Variants in RBM18 observed in about 807,000 individuals in gnomAD.
The protein encoded by RBM18 is RNA binding motif protein 18.
Under a neutral mutation model 26.4 loss-of-function variants are expected in RBM18, and 18 were observed. The ratio of observed to expected loss-of-function variants is 0.68; its 90% confidence interval spans 0.47 to 1.01. The LOEUF is 1.01. Ranked by LOEUF, RBM18 falls within the 50% of genes least tolerant of loss-of-function variation. RBM18 has a pLI of 0.00. For missense variants in RBM18, 180 were observed against 219.2 expected, an observed-to-expected ratio of 0.82 and a Z score of 1.13; for synonymous variants, 74 against 81.1, an observed-to-expected ratio of 0.91 and a Z score of 0.47.
At chr9:122,261,623 T>G in intron 1 of RBM18, 115 bp from the exon 2 acceptor site, 1 of 681,968 alleles carries the variant, frequency 1.5e-6, no homozygotes, top group Non-Finnish European at 2.5e-6. Flanking sequence ...GGGCAGTCCT[T>G]CAAAGGCCTC....
At position 122,240,344 on chromosome 9, in the gene RBM18, A is replaced by G. The variant is rs978074933; in HGVS notation, c.*1540T>C. On this transcript the variant is annotated 3_prime_UTR_variant, in exon 6 of 6. Transcript: ENST00000417201. The stretch of plus-strand genomic sequence containing the variant: ...AGACAGACACAGCTAATACATACAG[A>G]AAGTATTTGATGTCTAGAGATATTT... The G allele has an allele frequency of 9.9e-5, 15 of 152,214 alleles. No homozygotes were observed. The highest frequency in any genetic ancestry group is 3.4e-4 in the African/African-American group (14 of 41,452). 9.4% of individuals were successfully genotyped at this position (152,214 alleles called of 1,614,324 possible).
In RBM18 at chr9:122,245,312, A is replaced by C. The variant is rs1040128695; in HGVS notation, c.357T>G (p.Ile119Met). The C allele has an allele frequency of 8.7e-6, 14 of 1,610,352 alleles. No homozygotes were observed. Among genetic ancestry groups the C allele is most frequent in the Non-Finnish European group, 1.2e-5 (14 of 1,176,744 alleles). The stretch of plus-strand genomic sequence containing the variant: ...AGGATGGCTCGAGACTGATTGGAAG[A>C]ATCTTATCATTCTTGTTATGATCAT... ...KRYDHNKNDKILPISLEPSSS... is the reference protein window; with the variant it reads ...KRYDHNKNDKMLPISLEPSSS... The change falls in exon 5 of 6, where the codon ATT becomes ATG. Residue 119 changes from isoleucine to methionine, a missense_variant. Coordinates refer to ENST00000417201, the MANE Select transcript of RBM18 (RefSeq NM_033117.4).
rs969925653 is a variant in RBM18, at chr9:122,238,831, G to A, written c.*3053C>T. 11 of 152,346 alleles carry A rather than the reference G, an allele frequency of 7.2e-5. No homozygotes were observed. Among genetic ancestry groups the A allele is most frequent in the Admixed American group, 7.2e-4 (11 of 15,304 alleles). 9.4% of individuals were successfully genotyped at this position (152,346 alleles called of 1,614,324 possible). On this transcript the variant is annotated 3_prime_UTR_variant, in exon 6 of 6. Transcript: ENST00000417201. ...GCAGGGAGATAATTAGGAAGGTATTGTAATAGTCCAGGGAAGAGATGATGG... is the reference window on the plus strand; with the variant it reads ...GCAGGGAGATAATTAGGAAGGTATTATAATAGTCCAGGGAAGAGATGATGG...
chr9:122,257,450 A>G (rs781536661), intron 2 of RBM18, among the ~76,000 whole-genome samples: 8 of 152,170 alleles, frequency 5.3e-5, no homozygotes, highest in Non-Finnish European at 1.0e-4. Context: ...CGCCCAGCCA[A>G]TGGTCAATAT....
Position 122,238,344 on chromosome 9 carries a change from T to C in RBM18, c.*3540A>G, listed in dbSNP as rs1433730317. 1 of 152,182 alleles carries C rather than the reference T, an allele frequency of 6.6e-6. No homozygotes were observed. The highest frequency in any genetic ancestry group is 1.5e-5 in the Non-Finnish European group (1 of 68,032). The allele number at this position is 152,182 out of a possible 1,614,324, so 9.4% of individuals were successfully genotyped here. A position where few individuals can be genotyped will look rare whatever the true frequency, so the allele number is the denominator to read the frequency against. On this transcript the variant is annotated 3_prime_UTR_variant, in exon 6 of 6. Transcript: ENST00000417201. ...AAAGAGACAAAAAAAAATTTAGATA[T>C]AATGTTGGTTAGCGGTAAGTGCTTT... is the stretch of plus-strand genomic sequence containing the variant.
At chr9:122,242,140 C>A (rs886991056) in intron 5 of RBM18, 97 bp from the exon 6 acceptor site, 2 of 1,158,042 alleles carry the variant, frequency 1.7e-6, no homozygotes, top group South Asian at 1.6e-5. Flanking sequence ...ATATTAGAGA[C>A]GCAACAAGAT....
At chr9:122,246,176 T>C (rs994261585) in intron 4 of RBM18, among the ~76,000 whole-genome samples, 1 of 152,154 alleles carries the variant, frequency 6.6e-6, no homozygotes, top group Non-Finnish European at 1.5e-5. Flanking sequence ...CTTTTAAAAT[T>C]TTATTAGAAA....
intron 3 of RBM18, among the ~76,000 whole-genome samples, chr9:122,248,091 G>A (rs768046341): frequency 2.0e-5 from 3 of 152,128 alleles, no homozygotes; most frequent in South Asian, 2.1e-4. Flanking sequence ...GGCTAAGGGC[G>A]TGAATTTTTT....
rs1006833581 is a variant in RBM18, at chr9:122,238,267, G to A, written c.*3617C>T. ...TACAGCCATTGTTTTAAATGCTGAG[G>A]GTATAGCAGTGATATACAGTTCCTG... On this transcript the variant is annotated 3_prime_UTR_variant, in exon 6 of 6. Coordinates refer to ENST00000417201, the MANE Select transcript of RBM18 (RefSeq NM_033117.4). The A allele has an allele frequency of 6.6e-6, 1 of 152,112 alleles. No individual in the cohort carries two copies. Among genetic ancestry groups the A allele is most frequent in the African/African-American group, 2.4e-5 (1 of 41,396 alleles). 9.4% of individuals were successfully genotyped at this position (152,112 alleles called of 1,614,324 possible).
intron 2 of RBM18, among the ~76,000 whole-genome samples, chr9:122,258,949 A>G (rs903045322): frequency 1.3e-5 from 2 of 151,416 alleles, no homozygotes; most frequent in Non-Finnish European, 2.9e-5. Flanking sequence ...AAAAGAATCT[A>G]TAGGAAAAAA....
rs1254174877 is a variant in RBM18, at chr9:122,240,102, G to A, written c.*1782C>T. The A allele has an allele frequency of 2.6e-5, 4 of 152,120 alleles. No individual in the cohort carries two copies. Among genetic ancestry groups the A allele is most frequent in the Non-Finnish European group, 4.4e-5 (3 of 68,026 alleles). 9.4% of individuals were successfully genotyped at this position (152,120 alleles called of 1,614,324 possible). A position where few individuals can be genotyped will look rare whatever the true frequency, so the allele number is the denominator to read the frequency against. On this transcript the variant is annotated 3_prime_UTR_variant, in exon 6 of 6. Coordinates refer to ENST00000417201, the MANE Select transcript of RBM18 (RefSeq NM_033117.4). ...CAAATAAATAGCTCTGGTTTCTAAAGGAAACAACTCTATATATAATTCTAA... is the reference window on the plus strand; with the variant it reads ...CAAATAAATAGCTCTGGTTTCTAAAAGAAACAACTCTATATATAATTCTAA...
chr9:122,264,706 C>G lies in RBM18; in HGVS notation c.-17+9G>C, dbSNP rs1284393969. ...CTGAGGTGCAGGGACATGTCGCGGC[C>G]GAACTCACCTCGTGGCCTCGGCGTG... On this transcript the variant is annotated intron_variant, in intron 1 of 5. Coordinates refer to ENST00000417201, the MANE Select transcript of RBM18 (RefSeq NM_033117.4). 6.6e-6 allele frequency: 1 copy of G among 152,244 alleles called. No individual in the cohort carries two copies. The highest frequency in any genetic ancestry group is 1.5e-5 in the Non-Finnish European group (1 of 68,090). 9.4% of individuals were successfully genotyped at this position (152,244 alleles called of 1,614,324 possible).
rs575039593 is a variant in RBM18, at chr9:122,238,791, G to A, written c.*3093C>T. 6.6e-6 allele frequency: 1 copy of A among 152,280 alleles called. No individual in the cohort carries two copies. Among genetic ancestry groups the A allele is most frequent in the South Asian group, 2.1e-4 (1 of 4,822 alleles). 9.4% of individuals were successfully genotyped at this position (152,280 alleles called of 1,614,324 possible). A position where few individuals can be genotyped will look rare whatever the true frequency, so the allele number is the denominator to read the frequency against. ...TACTGTGTGGAAAACGGACCCTAAAGAATCAATAGCAGAGGCAGGGAGATA... is the reference window on the plus strand; with the variant it reads ...TACTGTGTGGAAAACGGACCCTAAAAAATCAATAGCAGAGGCAGGGAGATA... On this transcript the variant is annotated 3_prime_UTR_variant, in exon 6 of 6. Coordinates refer to ENST00000417201, the MANE Select transcript of RBM18 (RefSeq NM_033117.4).
At chr9:122,244,548 C>G (rs1345155002) in intron 5 of RBM18, among the ~76,000 whole-genome samples, 2 of 152,194 alleles carry the variant, frequency 1.3e-5, no homozygotes, top group Non-Finnish European at 2.9e-5. Context: ...TGTGTGATCT[C>G]AGCCATAAGT....
chr9:122,263,084 A>T (rs1457478078), intron 1 of RBM18, among the ~76,000 whole-genome samples: 3 of 152,164 alleles, frequency 2.0e-5, no homozygotes, highest in Non-Finnish European at 2.9e-5. Context: ...CATATCCTAT[A>T]CCCAGAAGTA....
Position 122,241,827 on chromosome 9 carries a change from A to G in RBM18, c.*57T>C. 6.7e-7 allele frequency: 1 copy of G among 1,501,612 alleles called. No homozygotes were observed. Among genetic ancestry groups the G allele is most frequent in the Non-Finnish European group, 9.2e-7 (1 of 1,086,416 alleles). 93.0% of individuals were successfully genotyped at this position (1,501,612 alleles called of 1,614,324 possible). A position where few individuals can be genotyped will look rare whatever the true frequency, so the allele number is the denominator to read the frequency against. On this transcript the variant is annotated 3_prime_UTR_variant, in exon 6 of 6. Coordinates refer to ENST00000417201, the MANE Select transcript of RBM18 (RefSeq NM_033117.4). The stretch of plus-strand genomic sequence containing the variant: ...ATTCACATCTACAAAGTACACAGGC[A>G]GACGATTTTAGGTGTGGAGACCAAT...
chr9:122,249,140 C>G (rs751567638), intron 3 of RBM18, among the ~76,000 whole-genome samples: 4 of 152,006 alleles, frequency 2.6e-5, no homozygotes, highest in Non-Finnish European at 5.9e-5. Flanking sequence ...TAATTTCCTA[C>G]CTGTACAAAT....
rs767209915 is a variant in RBM18 at position 122,239,140 on chromosome 9, A to G, written c.*2744T>C. The G allele has an allele frequency of 2.6e-5, 4 of 152,240 alleles. No individual in the cohort carries two copies. The highest frequency in any genetic ancestry group is 5.9e-5 in the Non-Finnish European group (4 of 68,050). The allele number at this position is 152,240 out of a possible 1,614,324, so 9.4% of individuals were successfully genotyped here. A position where few individuals can be genotyped will look rare whatever the true frequency, so the allele number is the denominator to read the frequency against. On this transcript the variant is annotated 3_prime_UTR_variant, in exon 6 of 6. Coordinates refer to ENST00000417201, the MANE Select transcript of RBM18 (RefSeq NM_033117.4). ...ATATTTGTTGATTCAGAAACTGTGC[A>G]TATCTTAATAAACAAGAGACAGAGC...
rs535956396 is a variant in RBM18, at chr9:122,249,774, A to G, written c.240+2073T>C. On this transcript the variant is annotated intron_variant, in intron 3 of 5. Coordinates refer to ENST00000417201, the MANE Select transcript of RBM18 (RefSeq NM_033117.4). ...CATTTTATCATTAAGAAAGAATAAA[A>G]TATTTAAAAATGCTGACCAGGTGTG... Among the ~76,000 whole-genome samples the G allele has an allele frequency of 3.3e-5, 5 of 151,706 alleles. No individual in the cohort carries two copies. In the East Asian group the frequency reaches 9.8e-4, roughly 30 times the overall value.
Sources: allele counts gnomAD v4.1 joint callset (sites outside exome capture counted in the v4.1 genomes callset), GRCh38; gene constraint gnomAD v4.1.1; transcripts MANE v1.5; gene names NCBI Gene and HGNC (gene_info 2026-07-23, HGNC 2026-07-21).